Variants in CYS1 observed in about 807,000 individuals in gnomAD.
CYS1 encodes the protein cystin-1.
Under a neutral mutation model 9.6 loss-of-function variants are expected in CYS1, and 5 were observed. The observed-to-expected ratio is 0.52, with a 90% CI of 0.27 to 1.10. The LOEUF (loss-of-function observed/expected upper bound fraction) is 1.10. Among genes scored for constraint, CYS1 ranks in the 50% least tolerant of loss-of-function variants. The probability of loss-of-function intolerance (pLI) is 0.11; values close to 1 mark genes in which losing one functional copy is unlikely to be tolerated. For synonymous variants in CYS1, 88 were observed against 95.7 expected (o/e 0.92, Z 0.47); for missense variants, 221 against 207.9 (o/e 1.06, Z -0.39).
At chr2:10,067,709 A>G (rs2125289417) in intron 1 of CYS1, among the ~76,000 whole-genome samples, 1 of 152,272 alleles carries the variant, frequency 6.6e-6, no homozygotes, top group Non-Finnish European at 1.5e-5. Flanking sequence ...GCCTGGTCAG[A>G]GATATATGAA....
chr2:10,058,853 T>G lies in CYS1; in HGVS notation c.477A>C (p.Ter159CysextTer29). The change falls in exon 3 of 3, where the codon TGA becomes TGC. Residue 159 changes from the stop codon to cysteine (C), a stop_lost. Transcript: ENST00000381813. ...CTGGCGGGGGTGGAGCATGCTGTCC[T>G]CAGCGGCAGTACTCCCGCTCGATGC... ...MASIEREYCR[*>C] is the part of the protein sequence containing the mutation. 1 of 1,569,542 alleles carries G rather than the reference T, an allele frequency of 6.4e-7. No homozygotes were observed. Among genetic ancestry groups the G allele is most frequent in the Non-Finnish European group, 8.6e-7 (1 of 1,157,522 alleles).
rs1398189555 is a variant in CYS1 at position 10,079,941 on chromosome 2, C to T, written c.283G>A (p.Ala95Thr). The change falls in exon 1 of 3, where the codon GCC becomes ACC. Residue 95 changes from alanine (A) to threonine (T), a missense_variant. Transcript: ENST00000381813. Reference sequence around the variant, plus strand: ...GCGACCGCGGTGGGTCGGAGCCGGGCTGGGCGGCGCGGGGCGGGCTCCGGG... The same window carrying T: ...GCGACCGCGGTGGGTCGGAGCCGGGTTGGGCGGCGCGGGGCGGGCTCCGGG... ...GPPEPAPRRP[A>T]RLRPTAVAGS... 8.0e-6 allele frequency: 9 copies of T among 1,120,826 alleles called. No individual in the cohort carries two copies. The highest frequency in any genetic ancestry group is 9.8e-6 in the Non-Finnish European group (9 of 916,760). 69.4% of individuals were successfully genotyped at this position (1,120,826 alleles called of 1,614,324 possible).
Position 10,058,899 on chromosome 2 carries a change from G to T in CYS1, c.431C>A (p.Ser144Ter), listed in dbSNP as rs867185221. Residue 144 changes from serine to a stop codon, truncating the protein, a stop_gained, in exon 3 of 3, where the codon TCG becomes TAG. Coordinates refer to ENST00000381813, the MANE Select transcript of CYS1 (RefSeq NM_001037160.3). LOFTEE classifies it high-confidence loss of function. Reference protein sequence around the residue: ...ERPAAISYDHSEEGLMASIER... With the variant: ...ERPAAISYDH ...GATGCTCGCCATCAGCCCCTCTTCCGAGTGGTCGTAGGAGATGGCTGCCGG... is the reference window on the plus strand; with the variant it reads ...GATGCTCGCCATCAGCCCCTCTTCCTAGTGGTCGTAGGAGATGGCTGCCGG... 1.3e-6 allele frequency: 2 copies of T among 1,595,766 alleles called. No individual in the cohort carries two copies. Among genetic ancestry groups the T allele is most frequent in the East Asian group, 2.3e-5 (1 of 44,188 alleles).
chr2:10,057,488 T>C lies in CYS1; in HGVS notation c.*1365A>G, dbSNP rs10208406. On this transcript the variant is annotated 3_prime_UTR_variant, in exon 3 of 3. Transcript: ENST00000381813. Reference sequence around the variant, plus strand: ...GGTTCCTGAGATGCTCCTGCTCTGCTGTGTTCTAAGGACCTGCGAGCTGGA... The same window carrying C: ...GGTTCCTGAGATGCTCCTGCTCTGCCGTGTTCTAAGGACCTGCGAGCTGGA... 124,934 of 152,388 alleles carry C rather than the reference T, an allele frequency of 0.82. 51,330 individuals carry two copies. Among genetic ancestry groups the C allele is most frequent in the Middle Eastern group, 0.89 (261 of 294 alleles). 9.4% of individuals were successfully genotyped at this position (152,388 alleles called of 1,614,324 possible).
chr2:10,058,468 G>A lies in CYS1; in HGVS notation c.*385C>T, dbSNP rs1357012373. On this transcript the variant is annotated 3_prime_UTR_variant, in exon 3 of 3. Transcript: ENST00000381813. ...CACAGCAGAACCTTCCGGAAGTGTT[G>A]TGGCGCGGATGCCAGGAGGGGCTCG... 1 of 184,600 alleles carries A rather than the reference G, an allele frequency of 5.4e-6. No individual in the cohort carries two copies. Among genetic ancestry groups the A allele is most frequent in the African/African-American group, 2.3e-5 (1 of 43,090 alleles). 11.4% of individuals were successfully genotyped at this position (184,600 alleles called of 1,614,324 possible).
rs1661917216 is a variant in CYS1 at position 10,079,937 on chromosome 2, C to T, written c.287G>A (p.Arg96Gln). The part of the protein sequence containing the change: ...PPEPAPRRPA[R>Q]LRPTAVAGSA... ...CCCCGCGACCGCGGTGGGTCGGAGC[C>T]GGGCTGGGCGGCGCGGGGCGGGCTC... Residue 96 changes from arginine to glutamine, a missense_variant, in exon 1 of 3, where the codon CGG becomes CAG. Transcript: ENST00000381813. 18 of 1,119,510 alleles carry T rather than the reference C, an allele frequency of 1.6e-5. No homozygotes were observed. In the South Asian group the frequency reaches 2.6e-4, roughly 16 times the overall value. The allele number at this position is 1,119,510 out of a possible 1,614,324, so 69.3% of individuals were successfully genotyped here. A position where few individuals can be genotyped will look rare whatever the true frequency, so the allele number is the denominator to read the frequency against.
chr2:10,079,214 C>A (rs773001935), intron 1 of CYS1, among the ~76,000 whole-genome samples: 1 of 152,104 alleles, frequency 6.6e-6, no homozygotes, highest in Non-Finnish European at 1.5e-5. Flanking sequence ...GGTAGCCACC[C>A]AGGAAGGCAT....
Position 10,058,696 on chromosome 2 carries a change from A to G in CYS1, c.*157T>C. ...TGACCGCCAGTGGCTGGCCCAGGTC[A>G]GCGCGGTCTGAAAGTGGATTTGAAA... On this transcript the variant is annotated 3_prime_UTR_variant, in exon 3 of 3. Transcript: ENST00000381813. The G allele has an allele frequency of 1.6e-6, 1 of 615,010 alleles. No homozygotes were observed. The highest frequency in any genetic ancestry group is 2.9e-5 in the East Asian group (1 of 34,654). 38.1% of individuals were successfully genotyped at this position (615,010 alleles called of 1,614,324 possible).
In CYS1 at chr2:10,058,697, G is replaced by T; in HGVS notation, c.*156C>A. On this transcript the variant is annotated 3_prime_UTR_variant, in exon 3 of 3. Transcript: ENST00000381813. Reference sequence around the variant, plus strand: ...GACCGCCAGTGGCTGGCCCAGGTCAGCGCGGTCTGAAAGTGGATTTGAAAG... The same window carrying T: ...GACCGCCAGTGGCTGGCCCAGGTCATCGCGGTCTGAAAGTGGATTTGAAAG... 1 of 633,780 alleles carries T rather than the reference G, an allele frequency of 1.6e-6. No homozygotes were observed. The highest frequency in any genetic ancestry group is 2.7e-6 in the Non-Finnish European group (1 of 375,592). The allele number at this position is 633,780 out of a possible 1,614,324, so 39.3% of individuals were successfully genotyped here.
At chr2:10,077,158 C>T (rs181817827) in intron 1 of CYS1, among the ~76,000 whole-genome samples, 12 of 152,232 alleles carry the variant, frequency 7.9e-5, no homozygotes, top group Admixed American at 5.2e-4. Context: ...CCCTCACCAC[C>T]GCCCGCCAAC....
Position 10,080,125 on chromosome 2 carries a change from C to T in CYS1, c.99G>A (p.Gly33=). The T allele has an allele frequency of 9.7e-7, 1 of 1,032,526 alleles. No individual in the cohort carries two copies. The highest frequency in any genetic ancestry group is 1.2e-6 in the Non-Finnish European group (1 of 862,094). The allele number at this position is 1,032,526 out of a possible 1,614,324, so 64.0% of individuals were successfully genotyped here. A position where few individuals can be genotyped will look rare whatever the true frequency, so the allele number is the denominator to read the frequency against. The change falls in exon 1 of 3, where the codon GGG becomes GGA. Residue 33 remains glycine, a synonymous_variant. Transcript: ENST00000381813. This position sits in a 1 kb window ranked among gnomAD's most constrained non-coding sequence, Gnocchi z 6.4. ...AGPGAAALEG[G]TRRRVPVAAA... ...CCGCCACCGGCACCCGCCGGCGGGT[C>T]CCGCCCTCCAGGGCTGCCGCTCCGG...
chr2:10,065,989 G>T lies in CYS1; in HGVS notation c.319-33C>A, dbSNP rs374779271. The T allele has an allele frequency of 1.9e-6, 3 of 1,613,550 alleles. No homozygotes were observed. The African/African-American group carries it at 4.0e-5, about 22-fold the overall frequency. ...AAGATGAAATGAAGAGACATTCAAAGATTGTCAACAGTGCAGCCTGCCTAA... is the reference window on the plus strand; with the variant it reads ...AAGATGAAATGAAGAGACATTCAAATATTGTCAACAGTGCAGCCTGCCTAA... On this transcript the variant is annotated intron_variant, in intron 1 of 2. Transcript: ENST00000381813.
At position 10,057,115 on chromosome 2, in the gene CYS1, A is replaced by G. The variant is rs1041591890; in HGVS notation, c.*1738T>C. 8.5e-5 allele frequency: 13 copies of G among 152,396 alleles called. No homozygotes were observed. Among genetic ancestry groups the G allele is most frequent in the African/African-American group, 2.9e-4 (12 of 41,602 alleles). The allele number at this position is 152,396 out of a possible 1,614,324, so 9.4% of individuals were successfully genotyped here. On this transcript the variant is annotated 3_prime_UTR_variant, in exon 3 of 3. Transcript: ENST00000381813. ...ATTGAAAGCGTCCCATTTTAACAAAATGACATAAAATTACAAACATTTACA... is the reference window on the plus strand; with the variant it reads ...ATTGAAAGCGTCCCATTTTAACAAAGTGACATAAAATTACAAACATTTACA...
intron 1 of CYS1, among the ~76,000 whole-genome samples, chr2:10,075,421 G>A (rs1345160371): frequency 6.6e-6 from 1 of 152,208 alleles, no homozygotes; most frequent in Non-Finnish European, 1.5e-5. Flanking sequence ...CTTGTCCCCT[G>A]GATCAATTGA....
Position 10,076,136 on chromosome 2 carries a change from C to T in CYS1, c.318+3770G>A, listed in dbSNP as rs1227487733. On this transcript the variant is annotated intron_variant, in intron 1 of 2. Transcript: ENST00000381813. The surrounding 1 kb of genome is among the most constrained non-coding windows in gnomAD (Gnocchi z 4.3). The stretch of plus-strand genomic sequence containing the variant: ...TCCTGGAGGCAGAGGTTGCAGTGAG[C>T]CGATGCACTCCAGCCTGGGCGACAG... 3.9e-5 allele frequency among the ~76,000 whole-genome samples: 6 copies of T among 152,104 alleles called. No homozygotes were observed. The highest frequency in any genetic ancestry group is 3.9e-4 in the Admixed American group (6 of 15,272).
At chr2:10,064,059 C>T (rs1212375128) in intron 2 of CYS1, among the ~76,000 whole-genome samples, 1 of 151,914 alleles carries the variant, frequency 6.6e-6, no homozygotes, top group Non-Finnish European at 1.5e-5. Context: ...CCTGTCTCTA[C>T]AAAAAATACA....
At chr2:10,069,680 A>T (rs565456400) in intron 1 of CYS1, among the ~76,000 whole-genome samples, 46 of 152,068 alleles carry the variant, frequency 3.0e-4, no homozygotes, top group Middle Eastern at 3.4e-3. Context: ...AAAAATATTT[A>T]AAAAAAATTT....
At chr2:10,073,082 G>A (rs1293492735) in intron 1 of CYS1, among the ~76,000 whole-genome samples, 2 of 151,286 alleles carry the variant, frequency 1.3e-5, no homozygotes, top group African/African-American at 2.4e-5. Flanking sequence ...ATGGGGGGGC[G>A]GTGCAGGCTG....
rs1661559076 is a variant in CYS1 at position 10,056,942 on chromosome 2, TCTTAG to T, written c.*1906_*1910del. On this transcript the variant is annotated 3_prime_UTR_variant, in exon 3 of 3. Transcript: ENST00000381813. Reference sequence around the variant, plus strand: ...AAACCTGAGAACAATTCCTGTGACTTCTTAGCTTTGATGAAGTGCATTTACTTTGA... The same window carrying T: ...AAACCTGAGAACAATTCCTGTGACTTCTTTGATGAAGTGCATTTACTTTGA... 1 of 152,256 alleles carries T rather than the reference TCTTAG, an allele frequency of 6.6e-6. No homozygotes were observed. The highest frequency in any genetic ancestry group is 2.1e-4 in the South Asian group (1 of 4,830). The allele number at this position is 152,256 out of a possible 1,614,324, so 9.4% of individuals were successfully genotyped here.
Sources: allele counts gnomAD v4.1 joint callset (sites outside exome capture counted in the v4.1 genomes callset), GRCh38; gene constraint gnomAD v4.1.1; non-coding constraint Gnocchi (gnomAD v3.1); transcripts MANE v1.5; gene names NCBI Gene and HGNC (gene_info 2026-07-23, HGNC 2026-07-21).